L3MBTL3: variants seen among roughly 807,000 people sequenced by gnomAD.
The protein encoded by L3MBTL3 is L3MBTL histone methyl-lysine binding protein 3, also known as lethal(3)malignant brain tumor-like protein 3.
A neutral mutation model predicts 102.3 loss-of-function variants in L3MBTL3; 27 were observed. That is an observed-to-expected ratio of 0.26 (90% CI 0.19 to 0.36). The LOEUF is 0.36. Among genes scored for constraint, L3MBTL3 ranks in the 10% least tolerant of loss-of-function variants. L3MBTL3 has a pLI of 1.00. For missense variants in L3MBTL3, 798 were observed against 955.3 expected (o/e 0.84, Z 2.17); for synonymous variants, 340 against 320.9 (o/e 1.06, Z -0.64).
At chr6:130,125,825 T>TGGGTG (rs1786562153) in intron 20 of L3MBTL3, among the ~76,000 whole-genome samples, 1 of 152,146 alleles carries the variant, frequency 6.6e-6, no homozygotes, top group East Asian at 1.9e-4. Flanking sequence ...TGCTTTACAA[T>TGGGTG]GTCAAGAGGA....
At position 130,025,213 on chromosome 6, in the gene L3MBTL3, G is replaced by A. The variant is rs1051649906; in HGVS notation, c.-16+2908G>A. On this transcript the variant is annotated intron_variant, in intron 2 of 22. Transcript: ENST00000361794. ...TGCTTATAGTATAGGTAAAGATAGT[G>A]TCTTTAGAGAGAACTATTTATATGT... Among the ~76,000 whole-genome samples the A allele has an allele frequency of 5.9e-5, 9 of 152,146 alleles. No individual in the cohort carries two copies. The East Asian group carries it at 1.7e-3, about 29-fold the overall frequency.
chr6:130,075,371 A>T (rs1037363597), intron 13 of L3MBTL3, among the ~76,000 whole-genome samples: 6 of 152,048 alleles, frequency 3.9e-5, no homozygotes, highest in Admixed American at 2.0e-4. Flanking sequence ...AGAGGTTGGG[A>T]TGGAATATTC....
intron 19 of L3MBTL3, among the ~76,000 whole-genome samples, chr6:130,112,630 C>G (rs1373376627): frequency 2.0e-5 from 3 of 152,092 alleles, no homozygotes; most frequent in Non-Finnish European, 4.4e-5. Context: ...AGGGATGCAG[C>G]GGGCTGTGGG....
intron 1 of L3MBTL3, among the ~76,000 whole-genome samples, chr6:130,019,064 G>C (rs1778746280): frequency 1.3e-5 from 2 of 151,984 alleles, no homozygotes; most frequent in African/African-American, 4.8e-5. Flanking sequence ...GAAGGGTGTG[G>C]GGGGCCGTGC....
In L3MBTL3 at chr6:130,027,278, G is replaced by A. The variant is rs117926609; in HGVS notation, c.-16+4973G>A. ...GTTCTATTTAAAACATTTTTTGAGC[G>A]TATACTATGTACCAGACCTTTTAAA... On this transcript the variant is annotated intron_variant, in intron 2 of 22. Transcript: ENST00000361794. Among the ~76,000 whole-genome samples the A allele has an allele frequency of 8.1e-3, 1,236 of 152,106 alleles. 9 individuals carry two copies. The highest frequency in any genetic ancestry group is 0.013 in the Non-Finnish European group (882 of 67,960).
chr6:130,070,972 A>G lies in L3MBTL3; in HGVS notation c.1093-4A>G. ...TCTCTAATTAAATCTGTGTGTTTCC[A>G]TAGACAGTGATCCCATCGGGCTTTC... On this transcript the variant is annotated splice_polypyrimidine_tract_variant and splice_region_variant and intron_variant, in intron 12 of 22. Coordinates refer to ENST00000361794, the MANE Select transcript of L3MBTL3 (RefSeq NM_032438.4). The G allele has an allele frequency of 1.9e-6, 3 of 1,612,164 alleles. No homozygotes were observed. The highest frequency in any genetic ancestry group is 2.5e-6 in the Non-Finnish European group (3 of 1,178,932).
At chr6:130,066,286 G>GTATATATATATATATATATATATATA (rs148263906) in intron 10 of L3MBTL3, 67 bp from the exon 11 acceptor site, 166 of 387,646 alleles carry the variant, frequency 4.3e-4, no homozygotes, top group African/African-American at 3.0e-3. Flanking sequence ...TTATTTTTGT[G>GTATATATATATATATATATATATATA]TATATATATA....
At chr6:130,079,685 C>T (rs1268303802) in intron 14 of L3MBTL3, among the ~76,000 whole-genome samples, 1 of 152,136 alleles carries the variant, frequency 6.6e-6, no homozygotes, top group East Asian at 1.9e-4. Context: ...ATGTAGCCTG[C>T]AGCATGTAAG....
chr6:130,083,789 A>G, intron 15 of L3MBTL3, 84 bp downstream of exon 15: 1 of 654,474 alleles, frequency 1.5e-6, no homozygotes. Context: ...GGTATTAGTA[A>G]ACCAGAATAG....
chr6:130,098,222 A>T (rs1784471709), intron 18 of L3MBTL3, among the ~76,000 whole-genome samples: 1 of 152,234 alleles, frequency 6.6e-6, no homozygotes, highest in Non-Finnish European at 1.5e-5. Flanking sequence ...AATGTTTTCA[A>T]CATTAGTAAC....
intron 14 of L3MBTL3, among the ~76,000 whole-genome samples, chr6:130,081,250 G>A (rs570175572): frequency 1.3e-5 from 2 of 152,282 alleles, no homozygotes; most frequent in African/African-American, 4.8e-5. Flanking sequence ...TTGTCCTTAT[G>A]TGTTTCCAGG....
At chr6:130,063,854 AC>A (rs1184768476) in intron 10 of L3MBTL3, among the ~76,000 whole-genome samples, 4 of 152,222 alleles carry the variant, frequency 2.6e-5, no homozygotes, top group Admixed American at 2.6e-4. Context: ...AATGGACCAC[AC>A]AAAAGACACT....
rs141824361 is a variant in L3MBTL3, at chr6:130,094,313, C to A, written c.1682C>A (p.Pro561Gln). The change falls in exon 18 of 23, where the codon CCG (proline) becomes CAG (glutamine). Residue 561 changes from proline (P) to glutamine (Q), a missense_variant. By Grantham distance (76) the Pro-to-Gln change is moderately conservative (BLOSUM62 -1). Coordinates refer to ENST00000361794, the MANE Select transcript of L3MBTL3 (RefSeq NM_032438.4). ...EASEHGGCST[P>Q]GCKGIGHFKR... ...TCAGAACATGGTGGATGCTCAACCC[C>A]GGGATGTAAAGGGATTGGCCATTTC... 60 of 1,613,686 alleles carry A rather than the reference C, an allele frequency of 3.7e-5. No individual in the cohort carries two copies. The highest frequency in any genetic ancestry group is 6.7e-5 in the Admixed American group (4 of 59,966).
At chr6:130,029,458 AATGG>A in intron 2 of L3MBTL3, among the ~76,000 whole-genome samples, 2 of 152,184 alleles carry the variant, frequency 1.3e-5, no homozygotes, top group African/African-American at 4.8e-5. Context: ...TAAGGTTGCG[AATGG>A]CCTAGTCCTG....
At position 130,083,694 on chromosome 6, in the gene L3MBTL3, G is replaced by A; in HGVS notation, c.1396G>A (p.Ala466Thr). 1.3e-6 allele frequency: 2 copies of A among 1,524,018 alleles called. No homozygotes were observed. Among genetic ancestry groups the A allele is most frequent in the Non-Finnish European group, 1.8e-6 (2 of 1,121,566 alleles). The allele number at this position is 1,524,018 out of a possible 1,614,324, so 94.4% of individuals were successfully genotyped here. Residue 466 changes from alanine (A) to threonine (T), a missense_variant, in exon 15 of 23, where the codon GCT (alanine) becomes ACT (threonine). Around this residue, in one of 4 missense-constraint regions of L3MBTL3, gnomAD observed 306 missense variants for 314.4 expected, o/e 0.97. Coordinates refer to ENST00000361794, the MANE Select transcript of L3MBTL3 (RefSeq NM_032438.4). The stretch of plus-strand genomic sequence containing the variant: ...CAATTCTTTACCTGCTCCTGCAAGA[G>A]CTTTCAAAGTGGTAAGATGATACAT... ...ETNSLPAPAR[A>T]FKVKPPHGFQ...
intron 10 of L3MBTL3, among the ~76,000 whole-genome samples, chr6:130,062,418 TCTGTAA>T (rs890183446): frequency 6.6e-6 from 1 of 150,964 alleles, no homozygotes; most frequent in Admixed American, 6.6e-5. Context: ...AGGGTCCGTC[TCTGTAA>T]CTGAGGCTGG....
chr6:130,063,042 C>T (rs9375702), intron 10 of L3MBTL3, among the ~76,000 whole-genome samples: 83,470 of 145,118 alleles, frequency 0.58, 26,652 homozygotes, highest in East Asian at 0.76. Flanking sequence ...AATGGTAAGA[C>T]AACATAGTAT....
chr6:130,120,485 G>A (rs898866384), intron 19 of L3MBTL3, among the ~76,000 whole-genome samples: 6 of 152,156 alleles, frequency 3.9e-5, no homozygotes, highest in South Asian at 2.1e-4. Flanking sequence ...GTGCTGAGTC[G>A]TATATAGTGA....
chr6:130,098,504 G>A (rs1288700247), intron 18 of L3MBTL3, among the ~76,000 whole-genome samples: 1 of 152,140 alleles, frequency 6.6e-6, no homozygotes, highest in Non-Finnish European at 1.5e-5. Flanking sequence ...TTTTATTGCT[G>A]TTTACTTTTT....
Sources: gnomAD v4.1 joint callset for allele counts (sites outside exome capture counted in the v4.1 genomes callset) on GRCh38, gnomAD v4.1.1 for gene constraint, gnomAD v4.1.1 regional missense constraint, MANE v1.5 for transcripts, NCBI Gene and HGNC (gene_info 2026-07-23, HGNC 2026-07-21) for gene names.